The following KPNA1 variants were observed in gnomAD, a reference collection of about 807,000 sequenced individuals.
KPNA1 encodes the protein karyopherin subunit alpha 1.
Under a neutral mutation model 70.5 loss-of-function variants are expected in KPNA1, and 10 were observed. The observed-to-expected ratio is 0.14, with a 90% CI of 0.09 to 0.24. The LOEUF is 0.24. Among genes scored for constraint, KPNA1 ranks in the 10% least tolerant of loss-of-function variants. The probability of loss-of-function intolerance (pLI) is 1.00; values close to 1 mark genes in which losing one functional copy is unlikely to be tolerated. For synonymous variants in KPNA1, 192 were observed against 221.9 expected (o/e 0.87, Z 1.20); for missense variants, 397 against 637.9 (o/e 0.62, Z 4.07).
At chr3:122,462,093 T>C (rs1372873688) in intron 4 of KPNA1, among the ~76,000 whole-genome samples, 1 of 152,196 alleles carries the variant, frequency 6.6e-6, no homozygotes, top group East Asian at 1.9e-4. Context: ...ATTTACCTGG[T>C]TGAACATTTA....
At chr3:122,509,887 T>C (rs898469491) in intron 1 of KPNA1, among the ~76,000 whole-genome samples, 2 of 152,194 alleles carry the variant, frequency 1.3e-5, no homozygotes, top group African/African-American at 4.8e-5. Context: ...TAAAGGTCCA[T>C]GGAATGCCCT....
At chr3:122,431,098 T>G (rs187000781) in intron 12 of KPNA1, among the ~76,000 whole-genome samples, 4 of 152,356 alleles carry the variant, frequency 2.6e-5, no homozygotes, top group Admixed American at 2.0e-4. Flanking sequence ...ATTAAGAACA[T>G]GTGTTATATA....
intron 2 of KPNA1, among the ~76,000 whole-genome samples, chr3:122,489,525 C>A (rs749067678): frequency 5.9e-5 from 9 of 152,198 alleles, no homozygotes; most frequent in Non-Finnish European, 1.3e-4. Flanking sequence ...CCACCTCAGC[C>A]TCCCAAAGCA....
chr3:122,442,950 G>A (rs2076084443), intron 9 of KPNA1: 2 of 152,490 alleles, frequency 1.3e-5, no homozygotes, highest in South Asian at 2.1e-4. Context: ...ACTGGGACTG[G>A]TTGGACAGTG....
At chr3:122,508,611 T>C (rs1249958122) in intron 1 of KPNA1, among the ~76,000 whole-genome samples, 1 of 152,122 alleles carries the variant, frequency 6.6e-6, no homozygotes, top group Non-Finnish European at 1.5e-5. Context: ...TCTCAAAACA[T>C]GGCAGCCAGA....
At chr3:122,436,264 T>C (rs372736120) in intron 11 of KPNA1, among the ~76,000 whole-genome samples, 4 of 152,252 alleles carry the variant, frequency 2.6e-5, no homozygotes, top group Admixed American at 6.5e-5. Context: ...CCTGATAAGA[T>C]GTTATCGATG....
chr3:122,429,402 G>A (rs1309342824), intron 12 of KPNA1, among the ~76,000 whole-genome samples: 1 of 135,494 alleles, frequency 7.4e-6, no homozygotes, highest in Non-Finnish European at 1.5e-5. Flanking sequence ...AGCCGAGACC[G>A]TGCCACTGCA....
intron 2 of KPNA1, among the ~76,000 whole-genome samples, chr3:122,495,836 A>C (rs544878563): frequency 1.2e-4 from 18 of 152,272 alleles, no homozygotes; most frequent in Admixed American, 2.6e-4. Flanking sequence ...TTAAAAAAAA[A>C]AAATCAATGT....
chr3:122,436,413 A>G (rs1359739268), intron 11 of KPNA1, among the ~76,000 whole-genome samples: 1 of 152,210 alleles, frequency 6.6e-6, no homozygotes, highest in Non-Finnish European at 1.5e-5. Context: ...CCCCTTTGAA[A>G]ATCACTAATA....
intron 2 of KPNA1, among the ~76,000 whole-genome samples, chr3:122,476,859 C>CATAAAAAAAAAAAA (rs1491284627): frequency 7.2e-5 from 1 of 13,980 alleles, no homozygotes; most frequent in Non-Finnish European, 2.4e-4. Context: ...ATGGAGGTTC[C>CATAAAAAAAAAAAA]ACAAAAAAAA....
chr3:122,503,511 C>T (rs548406461), intron 1 of KPNA1, among the ~76,000 whole-genome samples: 290 of 152,228 alleles, frequency 1.9e-3, no homozygotes, highest in Admixed American at 2.1e-3. Flanking sequence ...TCCACAAGTC[C>T]CATGTTCAAA....
intron 10 of KPNA1, 115 bp downstream of exon 10, chr3:122,441,923 A>G: frequency 1.2e-6 from 1 of 855,836 alleles, no homozygotes; most frequent in Non-Finnish European, 2.0e-6. Flanking sequence ...ACATTAGTGT[A>G]ACAGAGTATC....
intron 1 of KPNA1, among the ~76,000 whole-genome samples, chr3:122,500,624 G>T (rs947232484): frequency 6.6e-6 from 1 of 151,830 alleles, no homozygotes; most frequent in African/African-American, 2.4e-5. Context: ...AGCCTCCCAA[G>T]TATCTGGGAC....
intron 10 of KPNA1, among the ~76,000 whole-genome samples, chr3:122,441,635 C>G (rs1347457802): frequency 1.3e-5 from 2 of 151,960 alleles, no homozygotes; most frequent in African/African-American, 4.8e-5. Context: ...GAGTCTCACT[C>G]TGTTGCCCAG....
intron 13 of KPNA1, 122 bp downstream of exon 13, chr3:122,427,416 A>C (rs1200233152): frequency 1.0e-6 from 1 of 994,510 alleles, no homozygotes; most frequent in African/African-American, 1.6e-5. Flanking sequence ...CTGCAGAAGC[A>C]GCAATTTCCT....
chr3:122,425,958 TCA>T lies in KPNA1; in HGVS notation c.*1025_*1026del, dbSNP rs2075818073. The T allele has an allele frequency of 6.6e-6, 1 of 152,578 alleles. No homozygotes were observed. The highest frequency in any genetic ancestry group is 1.5e-5 in the Non-Finnish European group (1 of 68,030). 9.5% of individuals were successfully genotyped at this position (152,578 alleles called of 1,614,324 possible). The stretch of plus-strand genomic sequence containing the variant: ...TTCAAAAGTATGTGTTATCTGCCAG[TCA>T]CAGAGGGGAAAAGCACCTAGGGTGA... On this transcript the variant is annotated 3_prime_UTR_variant, in exon 14 of 14. Transcript: ENST00000344337.
chr3:122,481,449 TA>T (rs938389853), intron 2 of KPNA1, among the ~76,000 whole-genome samples: 1 of 152,212 alleles, frequency 6.6e-6, no homozygotes, highest in African/African-American at 2.4e-5. Context: ...TGATTCCACT[TA>T]TATGAAATGT....
intron 1 of KPNA1, among the ~76,000 whole-genome samples, chr3:122,513,493 A>C (rs2076978979): frequency 6.6e-6 from 1 of 152,246 alleles, no homozygotes; most frequent in Non-Finnish European, 1.5e-5. Context: ...TCAAAATATT[A>C]CAAATGCAAA....
Position 122,422,820 on chromosome 3 carries a change from TA to T in KPNA1, c.*4164del, listed in dbSNP as rs1383227077. ...ATCTGGTGTACAATAGATGATCAAA[TA>T]AAGACATGTTACCTTAATTTGACCT... On this transcript the variant is annotated 3_prime_UTR_variant, in exon 14 of 14. Coordinates refer to ENST00000344337, the MANE Select transcript of KPNA1 (RefSeq NM_002264.4). 1.3e-5 allele frequency: 2 copies of T among 152,224 alleles called. No homozygotes were observed. Among genetic ancestry groups the T allele is most frequent in the Non-Finnish European group, 2.9e-5 (2 of 68,036 alleles). 9.4% of individuals were successfully genotyped at this position (152,224 alleles called of 1,614,324 possible). A position where few individuals can be genotyped will look rare whatever the true frequency, so the allele number is the denominator to read the frequency against.
Sources: allele counts gnomAD v4.1 joint callset (sites outside exome capture counted in the v4.1 genomes callset), GRCh38; gene constraint gnomAD v4.1.1; transcripts MANE v1.5; gene names NCBI Gene and HGNC (gene_info 2026-07-23, HGNC 2026-07-21).